CNTNAP2: variants seen among roughly 807,000 people sequenced by gnomAD.
CNTNAP2 encodes the protein contactin-associated protein-like 2.
In CNTNAP2, 98 loss-of-function variants were observed where a neutral mutation model predicts 155.2. The observed-to-expected ratio is 0.63, with a 90% confidence interval of 0.54 to 0.75. The LOEUF (loss-of-function observed/expected upper bound fraction) is 0.75. CNTNAP2 is among the 30% of genes least tolerant of loss of function. The pLI is 0.00. For missense variants in CNTNAP2, 1,727 were observed against 1,688.1 expected (o/e 1.02, Z -0.40); for synonymous variants, 651 against 631.2 (o/e 1.03, Z -0.47).
intron 13 of CNTNAP2, among the ~76,000 whole-genome samples, chr7:147,695,527 C>T (rs1314242244): frequency 6.6e-6 from 1 of 152,134 alleles, no homozygotes; most frequent in Non-Finnish European, 1.5e-5. Flanking sequence ...CTGGCCGGCA[C>T]CGTGGCTCAT....
At chr7:147,731,719 T>A (rs1241871447) in intron 13 of CNTNAP2, among the ~76,000 whole-genome samples, 2 of 152,098 alleles carry the variant, frequency 1.3e-5, no homozygotes, top group Non-Finnish European at 2.9e-5. Flanking sequence ...ATTTCTCTAG[T>A]AGGTCTGGGC....
chr7:148,160,215 G>A (rs1364656308), intron 17 of CNTNAP2, among the ~76,000 whole-genome samples: 2 of 152,008 alleles, frequency 1.3e-5, no homozygotes, highest in East Asian at 3.9e-4. Flanking sequence ...ATTCCAGCCT[G>A]GGTAACAGAG....
chr7:148,331,015 G>T (rs1437505355), intron 21 of CNTNAP2, among the ~76,000 whole-genome samples: 1 of 150,394 alleles, frequency 6.6e-6, no homozygotes, highest in African/African-American at 2.5e-5. Flanking sequence ...TGGATGGAAT[G>T]GACAGATGGA....
intron 1 of CNTNAP2, among the ~76,000 whole-genome samples, chr7:146,614,616 A>G (rs1799194163): frequency 6.6e-6 from 1 of 152,190 alleles, no homozygotes; most frequent in Non-Finnish European, 1.5e-5. Flanking sequence ...CTGCAGGGAA[A>G]ATGGTTAAGG....
chr7:147,838,339 C>G (rs866709588), intron 13 of CNTNAP2, among the ~76,000 whole-genome samples: 1 of 152,144 alleles, frequency 6.6e-6, no homozygotes, highest in African/African-American at 2.4e-5. Context: ...GTGAATAACT[C>G]GGCTCCTCAT....
intron 15 of CNTNAP2, chr7:148,014,291 A>AAG (rs1178329454): frequency 1.3e-5 from 1 of 74,538 alleles, no homozygotes; most frequent in African/African-American, 4.3e-5. Flanking sequence ...AAAAAAAAAA[A>AAG]AACCACCTCT....
At chr7:146,286,317 T>G (rs1404896701) in intron 1 of CNTNAP2, among the ~76,000 whole-genome samples, 1 of 151,880 alleles carries the variant, frequency 6.6e-6, no homozygotes, top group Non-Finnish European at 1.5e-5. Flanking sequence ...TTTTGATGTT[T>G]CATTGATTGT....
At chr7:146,654,193 C>G (rs1799959687) in intron 1 of CNTNAP2, among the ~76,000 whole-genome samples, 1 of 151,918 alleles carries the variant, frequency 6.6e-6, no homozygotes, top group Non-Finnish European at 1.5e-5. Flanking sequence ...CATTTGGCTC[C>G]TCACAGCATG....
At chr7:146,439,237 A>G (rs1796286103) in intron 1 of CNTNAP2, among the ~76,000 whole-genome samples, 2 of 151,424 alleles carry the variant, frequency 1.3e-5, no homozygotes, top group Non-Finnish European at 2.9e-5. Flanking sequence ...ACTCTCTTCA[A>G]TTTCAAAGAC....
At chr7:146,537,734 G>A (rs1236016392) in intron 1 of CNTNAP2, among the ~76,000 whole-genome samples, 1 of 152,094 alleles carries the variant, frequency 6.6e-6, no homozygotes, top group Non-Finnish European at 1.5e-5. Flanking sequence ...AGAGTTGGAA[G>A]AGCAAATGCA....
intron 14 of CNTNAP2, among the ~76,000 whole-genome samples, chr7:147,929,909 C>T (rs1456380013): frequency 6.6e-6 from 1 of 152,204 alleles, no homozygotes; most frequent in Non-Finnish European, 1.5e-5. Context: ...AAGGAGCACA[C>T]AACCTAGATC....
At chr7:148,090,857 G>C (rs1347123499) in intron 15 of CNTNAP2, among the ~76,000 whole-genome samples, 2 of 152,038 alleles carry the variant, frequency 1.3e-5, no homozygotes, top group African/African-American at 2.4e-5. Flanking sequence ...CCCATCAACA[G>C]ATGAACAGGT....
At chr7:147,148,207 G>A (rs577645516) in intron 8 of CNTNAP2, among the ~76,000 whole-genome samples, 16 of 151,808 alleles carry the variant, frequency 1.1e-4, no homozygotes, top group South Asian at 2.1e-4. Flanking sequence ...CGGCTAAAAC[G>A]GTGAAACCCC....
intron 1 of CNTNAP2, among the ~76,000 whole-genome samples, chr7:146,559,978 C>T (rs1049517318): frequency 6.6e-6 from 1 of 152,112 alleles, no homozygotes; most frequent in African/African-American, 2.4e-5. Context: ...ATAATTTTAG[C>T]CATTTTTTCT....
intron 1 of CNTNAP2, among the ~76,000 whole-genome samples, chr7:146,630,200 T>G (rs1464162810): frequency 6.6e-6 from 1 of 152,122 alleles, no homozygotes; most frequent in Non-Finnish European, 1.5e-5. Context: ...GTTCTCATTG[T>G]TCAACTCCCA....
At chr7:146,501,272 A>G (rs1433524868) in intron 1 of CNTNAP2, among the ~76,000 whole-genome samples, 1 of 152,118 alleles carries the variant, frequency 6.6e-6, no homozygotes, top group African/African-American at 2.4e-5. Context: ...ATATTTTGGA[A>G]GTGTTTGCGA....
chr7:147,382,350 C>T (rs2620481), intron 9 of CNTNAP2, among the ~76,000 whole-genome samples: 19,880 of 151,808 alleles, frequency 0.13, 1,538 homozygotes, highest in East Asian at 0.32. Context: ...CAGGTGGGAA[C>T]GAAGAGAAAG....
intron 16 of CNTNAP2, among the ~76,000 whole-genome samples, chr7:148,125,126 C>T (rs1804687799): frequency 6.6e-6 from 1 of 151,988 alleles, no homozygotes; most frequent in Admixed American, 6.6e-5. Context: ...TATTGAGTAC[C>T]TGCTATGTGT....
chr7:146,444,438 G>A (rs1188839285), intron 1 of CNTNAP2, among the ~76,000 whole-genome samples: 1 of 152,080 alleles, frequency 6.6e-6, no homozygotes, highest in African/African-American at 2.4e-5. Flanking sequence ...GATACAGGTG[G>A]AACATGGCCT....
Sources: gnomAD v4.1 joint callset for allele counts (sites outside exome capture counted in the v4.1 genomes callset) on GRCh38, gnomAD v4.1.1 for gene constraint, MANE v1.5 for transcripts, NCBI Gene and HGNC (gene_info 2026-07-23, HGNC 2026-07-21) for gene names.